Variants in MSH5 observed in about 807,000 individuals in gnomAD.
MSH5 encodes mutS protein homolog 5.
In MSH5, 78 loss-of-function variants were observed where a neutral mutation model predicts 107.7. The ratio of observed to expected loss-of-function variants is 0.72; its 90% CI spans 0.60 to 0.87. The LOEUF is 0.87. Among genes scored for constraint, MSH5 ranks in the 40% least tolerant of loss-of-function variants. The probability of loss-of-function intolerance (pLI) is 0.00; values close to 1 mark genes in which losing one functional copy is unlikely to be tolerated. For missense variants in MSH5, 889 were observed against 1,046.6 expected (o/e 0.85, Z 2.08); for synonymous variants, 326 against 399.5 (o/e 0.82, Z 2.19).
chr6:31,760,665 A>C lies in MSH5; in HGVS notation c.1813-25A>C. On this transcript the variant is annotated intron_variant, in intron 19 of 24. Coordinates refer to ENST00000375750, the MANE Select transcript of MSH5 (RefSeq NM_172166.4). This position sits in a 1 kb window ranked among gnomAD's most constrained non-coding sequence, Gnocchi z 5.6. ...ACCTCAGCCCACGGCACCAGGCCCC[A>C]GGCCCTGTCTCCTTCCCTATTCAGG... is the stretch of plus-strand genomic sequence containing the variant. The C allele has an allele frequency of 6.2e-7, 1 of 1,612,624 alleles. No individual in the cohort carries two copies. Among genetic ancestry groups the C allele is most frequent in the Admixed American group, 1.7e-5 (1 of 60,010 alleles).
Position 31,761,595 on chromosome 6 carries a change from G to A in MSH5, c.2161G>A (p.Gly721Arg), listed in dbSNP as rs957004773. The stretch of plus-strand genomic sequence containing the variant: ...TGTTCAGCTACAACTGCTGCCACAA[G>A]GGCCCCTGGTGCAGTATTTGGTGAG... Reference protein sequence around the residue: ...SLVQLQLLPQGPLVQYLTMET... With the variant: ...SLVQLQLLPQRPLVQYLTMET... Residue 721 changes from glycine to arginine, a missense_variant, in exon 22 of 25, where the codon GGG becomes AGG. This residue lies in a region of MSH5 where 362 missense variants were observed against 456.2 expected (regional missense o/e 0.79). Transcript: ENST00000375750. This position sits in a 1 kb window ranked among gnomAD's most constrained non-coding sequence, Gnocchi z 5.3. The A allele has an allele frequency of 2.5e-6, 4 of 1,614,030 alleles. No individual in the cohort carries two copies. Among genetic ancestry groups the A allele is most frequent in the Admixed American group, 1.7e-5 (1 of 60,008 alleles).
chr6:31,749,862 C>T (rs904159449), intron 10 of MSH5, among the ~76,000 whole-genome samples: 1 of 152,138 alleles, frequency 6.6e-6, no homozygotes, highest in African/African-American at 2.4e-5. Context: ...GAGTGGAAAC[C>T]TTTGCTAGCC....
At chr6:31,750,942 A>G (rs1809899076) in intron 10 of MSH5, among the ~76,000 whole-genome samples, 1 of 152,224 alleles carries the variant, frequency 6.6e-6, no homozygotes, top group Non-Finnish European at 1.5e-5. Context: ...ATAAGTATAC[A>G]GGGATACCCG....
intron 3 of MSH5, among the ~76,000 whole-genome samples, chr6:31,741,585 T>C (rs1279189041): frequency 6.6e-6 from 1 of 152,130 alleles, no homozygotes; most frequent in Non-Finnish European, 1.5e-5. Flanking sequence ...TGTTTCACCA[T>C]GTTGGCCAGG....
rs1444478487 is a variant in MSH5 at position 31,758,616 on chromosome 6, T to C, written c.1212T>C (p.Asp404=). 6.2e-7 allele frequency: 1 copy of C among 1,613,604 alleles called. No homozygotes were observed. The highest frequency in any genetic ancestry group is 8.5e-7 in the Non-Finnish European group (1 of 1,179,666). The change falls in exon 14 of 25, where the codon GAT becomes GAC. Residue 404 remains aspartate (D), a synonymous_variant. Coordinates refer to ENST00000375750, the MANE Select transcript of MSH5 (RefSeq NM_172166.4). The surrounding 1 kb of genome is among the most constrained non-coding windows in gnomAD (Gnocchi z 5.1). ...TCCCCAACATAGATCCTGAAATTGA[T>C]GAGAGTGAGTGTTGGGTGTGGATGG... ...TVLPNIDPEI[D]EKKRRLMGLP...
chr6:31,761,198 C>T lies in MSH5; in HGVS notation c.1973C>T (p.Ala658Val). 1.2e-6 allele frequency: 2 copies of T among 1,613,924 alleles called. No homozygotes were observed. The highest frequency in any genetic ancestry group is 1.7e-6 in the Non-Finnish European group (2 of 1,179,976). The change falls in exon 21 of 25, where the codon GCA (alanine) becomes GTA (valine). Residue 658 changes from alanine (A) to valine (V), a missense_variant. By Grantham distance (64) the Ala-to-Val change is moderately conservative (BLOSUM62 0). This residue lies in a region of MSH5 where 362 missense variants were observed against 456.2 expected (regional missense o/e 0.79). Transcript: ENST00000375750. The surrounding 1 kb of genome is among the most constrained non-coding windows in gnomAD (Gnocchi z 5.3). ...CCTTATACCCAGCAGGTGGCGAAAG[C>T]AGTGAACAATGCCACTGCACAGTCG... is the stretch of plus-strand genomic sequence containing the variant. ...FMIDLNQVAK[A>V]VNNATAQSLV...
rs1242899154 is a variant in MSH5 at position 31,759,465 on chromosome 6, C to T, written c.1448C>T (p.Thr483Ile). ...AAGCTGCACTATCGTAGTGCCCGAA[C>T]CAAGGAGCTGGATGCATTGCTGGGG... ...EEKLHYRSAR[T>I]KELDALLGDL... Residue 483 changes from threonine to isoleucine, a missense_variant, in exon 17 of 25, where the codon ACC becomes ATC. Physicochemically the swap from Thr to Ile is moderately conservative, Grantham distance 89. Transcript: ENST00000375750. The surrounding 1 kb of genome is among the most constrained non-coding windows in gnomAD (Gnocchi z 4.7). The T allele has an allele frequency of 6.2e-7, 1 of 1,612,660 alleles. No individual in the cohort carries two copies. Among genetic ancestry groups the T allele is most frequent in the Non-Finnish European group, 8.5e-7 (1 of 1,180,004 alleles).
At chr6:31,743,276 T>C in intron 5 of MSH5, 106 bp downstream of exon 5, 4 of 1,231,218 alleles carry the variant, frequency 3.2e-6, no homozygotes, top group Non-Finnish European at 4.8e-6. Context: ...TATGTCATCC[T>C]AAACCTTTGT....
In MSH5 at chr6:31,754,915, G is replaced by GT. The variant is rs1188787363; in HGVS notation, c.1014+1296dup. On this transcript the variant is annotated intron_variant, in intron 12 of 24. Transcript: ENST00000375750. ...AACAGGCACATGCCACCATGCCCAA[G>GT]TTTTTTTTTTGTATTTTTAGTAGAG... 2.6e-3 allele frequency among the ~76,000 whole-genome samples: 386 copies of GT among 147,330 alleles called. 1 individual carries two copies. The highest frequency in any genetic ancestry group is 7.0e-3 in the Middle Eastern group (2 of 286).
Position 31,748,494 on chromosome 6 carries a change from G to A in MSH5, c.812+1062G>A, listed in dbSNP as rs369138363. Among the ~76,000 whole-genome samples, 9 of 150,880 alleles carry A rather than the reference G, an allele frequency of 6.0e-5. No individual in the cohort carries two copies. In the South Asian group the frequency reaches 1.7e-3, roughly 28 times the overall value. Reference sequence around the variant, plus strand: ...CTCCCAAGTAGCTGGGATTACAGGCGCCCACCACCACACCTGGCTAATTTT... The same window carrying A: ...CTCCCAAGTAGCTGGGATTACAGGCACCCACCACCACACCTGGCTAATTTT... On this transcript the variant is annotated intron_variant, in intron 10 of 24. Transcript: ENST00000375750.
Position 31,761,428 on chromosome 6 carries a change from G to A in MSH5, c.2038-44G>A, listed in dbSNP as rs1156950966. 2 of 1,610,400 alleles carry A rather than the reference G, an allele frequency of 1.2e-6. No individual in the cohort carries two copies. The highest frequency in any genetic ancestry group is 2.7e-5 in the African/African-American group (2 of 74,978). On this transcript the variant is annotated intron_variant, in intron 21 of 24. Transcript: ENST00000375750. This position sits in a 1 kb window ranked among gnomAD's most constrained non-coding sequence, Gnocchi z 5.3. Reference sequence around the variant, plus strand: ...GCAGTGCAAGTGCAGAGGGGCATATGGGGTCCCCATGGCTCCGAATGCTAA... The same window carrying A: ...GCAGTGCAAGTGCAGAGGGGCATATAGGGTCCCCATGGCTCCGAATGCTAA...
Position 31,758,788 on chromosome 6 carries a change from TC to T in MSH5, c.1242del (p.Ser415ValfsTer28), listed in dbSNP as rs1338347906. The T allele has an allele frequency of 6.2e-7, 1 of 1,614,072 alleles. No homozygotes were observed. Among genetic ancestry groups the T allele is most frequent in the African/African-American group, 1.3e-5 (1 of 74,932 alleles). Reference protein sequence around the residue: ...DEKKRRLMGLPSFLTEVARKE... With the variant: ...DEKKRRLMGLXSFLTEVARKE... ...TAGAAAAGCGAAGACTGATGGGACT[TC>T]CCAGTTTCCTTACTGAGGTTGCCCG... On this transcript the variant is annotated frameshift_variant, in exon 15 of 25. Transcript: ENST00000375750. LOFTEE classifies it high-confidence loss of function. This position sits in a 1 kb window ranked among gnomAD's most constrained non-coding sequence, Gnocchi z 5.1.
chr6:31,747,556 C>T, intron 10 of MSH5, 124 bp downstream of exon 10: 1 of 967,112 alleles, frequency 1.0e-6, no homozygotes, highest in East Asian at 2.6e-5. Flanking sequence ...AGTAGTAAAG[C>T]AACTGCCCTT....
chr6:31,741,747 G>A (rs1467134005), intron 3 of MSH5, among the ~76,000 whole-genome samples: 1 of 147,740 alleles, frequency 6.8e-6, no homozygotes, highest in African/African-American at 2.6e-5. Context: ...GGAAATACCT[G>A]ACTCTGAGTA....
intron 10 of MSH5, 105 bp downstream of exon 10, chr6:31,747,537 C>A: frequency 8.5e-7 from 1 of 1,175,244 alleles, no homozygotes; most frequent in South Asian, 1.3e-5. Flanking sequence ...ATACACCACC[C>A]CACCTAGTAG....
At chr6:31,753,773 G>A in intron 12 of MSH5, 144 bp downstream of exon 12, 1 of 768,716 alleles carries the variant, frequency 1.3e-6, no homozygotes, top group South Asian at 1.7e-5. Flanking sequence ...CTGTCGCCCA[G>A]GCTGAAGTGC....
intron 3 of MSH5, among the ~76,000 whole-genome samples, chr6:31,741,919 G>C (rs1309352286): frequency 6.6e-6 from 1 of 152,046 alleles, no homozygotes; most frequent in Non-Finnish European, 1.5e-5. Flanking sequence ...AAGAAGCAAG[G>C]GGGAGGGAGA....
At position 31,747,411 on chromosome 6, in the gene MSH5, A is replaced by G; in HGVS notation, c.791A>G (p.Lys264Arg). The change falls in exon 10 of 25, where the codon AAG becomes AGG. Residue 264 changes from lysine (K) to arginine (R), a missense_variant. By Grantham distance (26) the Lys-to-Arg change is conservative. Transcript: ENST00000375750. ...GGAATCCTCAACAGATGCCACTGTA[A>G]GTGGGGAGAGAAGCTGCTCAGGTGA... ...LFGILNRCHC[K>R]WGEKLLRLWF... 6.2e-7 allele frequency: 1 copy of G among 1,613,080 alleles called. No homozygotes were observed. The highest frequency in any genetic ancestry group is 8.5e-7 in the Non-Finnish European group (1 of 1,180,012).
At position 31,760,685 on chromosome 6, in the gene MSH5, T is replaced by G. The variant is rs748323266; in HGVS notation, c.1813-5T>G. 1.2e-5 allele frequency: 19 copies of G among 1,612,970 alleles called. No homozygotes were observed. The highest frequency in any genetic ancestry group is 1.4e-5 in the Non-Finnish European group (17 of 1,180,048). On this transcript the variant is annotated splice_polypyrimidine_tract_variant and splice_region_variant and intron_variant, in intron 19 of 24. Transcript: ENST00000375750. The surrounding 1 kb of genome is among the most constrained non-coding windows in gnomAD (Gnocchi z 5.6). ...GCCCCAGGCCCTGTCTCCTTCCCTA[T>G]TCAGGTAGGCTTGATCACATTCATG...
Sources: allele counts gnomAD v4.1 joint callset (sites outside exome capture counted in the v4.1 genomes callset), GRCh38; gene constraint gnomAD v4.1.1; regional missense constraint gnomAD v4.1.1; non-coding constraint Gnocchi (gnomAD v3.1); transcripts MANE v1.5; gene names NCBI Gene and HGNC (gene_info 2026-07-23, HGNC 2026-07-21).